The following CTNND2 variants were observed in gnomAD, a reference collection of about 807,000 sequenced individuals.
CTNND2 encodes catenin delta-2.
Under a neutral mutation model 144.4 loss-of-function variants are expected in CTNND2, and 22 were observed. The ratio of observed to expected loss-of-function variants is 0.15; its 90% confidence interval spans 0.11 to 0.22. CTNND2 has a LOEUF of 0.22. CTNND2 is among the 10% of genes least tolerant of loss of function. CTNND2 has a pLI of 1.00. For missense variants in CTNND2, 1,353 were observed against 1,618.8 expected, an observed-to-expected ratio of 0.84 and a Z score of 2.82; for synonymous variants, 751 against 695.6, an observed-to-expected ratio of 1.08 and a Z score of -1.25.
intron 2 of CTNND2, among the ~76,000 whole-genome samples, chr5:11,678,802 G>A (rs796937640): frequency 4.0e-4 from 61 of 152,040 alleles, no homozygotes; most frequent in Admixed American, 2.8e-3. Flanking sequence ...AAAATGTTCC[G>A]GCCTATATAC....
At chr5:11,748,327 G>T (rs1373152937) in intron 1 of CTNND2, among the ~76,000 whole-genome samples, 1 of 152,008 alleles carries the variant, frequency 6.6e-6, no homozygotes, top group African/African-American at 2.4e-5. Context: ...AGTAAGCTGT[G>T]CTTAGGAGTT....
chr5:11,203,638 T>C (rs185525336), intron 10 of CTNND2, among the ~76,000 whole-genome samples: 3 of 152,086 alleles, frequency 2.0e-5, no homozygotes, highest in African/African-American at 2.4e-5. Context: ...GTCTCCCAAA[T>C]TGCTGGGATT....
chr5:11,622,841 C>A (rs977845407), intron 2 of CTNND2, among the ~76,000 whole-genome samples: 7 of 152,152 alleles, frequency 4.6e-5, no homozygotes, highest in Non-Finnish European at 1.0e-4. Context: ...AAACTAATAT[C>A]ATTCACATTA....
At chr5:11,247,381 C>T (rs544444467) in intron 9 of CTNND2, among the ~76,000 whole-genome samples, 14 of 152,298 alleles carry the variant, frequency 9.2e-5, no homozygotes, top group East Asian at 1.9e-4. Flanking sequence ...GCCTACTCCA[C>T]GCCTCCCACC....
At chr5:11,752,497 T>A (rs891446326) in intron 1 of CTNND2, among the ~76,000 whole-genome samples, 3 of 151,858 alleles carry the variant, frequency 2.0e-5, no homozygotes, top group African/African-American at 7.2e-5. Flanking sequence ...TATCTGGCTT[T>A]ATTTCTGGGC....
intron 9 of CTNND2, among the ~76,000 whole-genome samples, chr5:11,244,228 A>T (rs1742744988): frequency 1.3e-5 from 2 of 151,996 alleles, no homozygotes; most frequent in Non-Finnish European, 2.9e-5. Context: ...TTAATATCTT[A>T]ATCCTCATTC....
rs754249228 is a variant in CTNND2, at chr5:11,110,936, A to G, written c.2385T>C (p.Cys795=). ...MGTDELDGLL[C]GEANGKDAES... Reference sequence around the variant, plus strand: ...CAGCATCCTTGCCATTGGCCTCGCCACAGAGTAGCCCGTCCAGCTCGTCCG... The same window carrying G: ...CAGCATCCTTGCCATTGGCCTCGCCGCAGAGTAGCCCGTCCAGCTCGTCCG... Residue 795 remains cysteine (C), a synonymous_variant, in exon 14 of 22, where the codon TGT becomes TGC. Coordinates refer to ENST00000304623, the MANE Select transcript of CTNND2 (RefSeq NM_001332.4). The G allele has an allele frequency of 6.2e-7, 1 of 1,614,152 alleles. No homozygotes were observed. Among genetic ancestry groups the G allele is most frequent in the Non-Finnish European group, 8.5e-7 (1 of 1,180,014 alleles).
At chr5:11,685,960 T>G (rs1784628882) in intron 2 of CTNND2, among the ~76,000 whole-genome samples, 1 of 152,174 alleles carries the variant, frequency 6.6e-6, no homozygotes, top group South Asian at 2.1e-4. Context: ...ATCCCAGCAC[T>G]TTGGGAGGCC....
At chr5:11,170,433 T>C (rs1373482100) in intron 11 of CTNND2, among the ~76,000 whole-genome samples, 1 of 152,224 alleles carries the variant, frequency 6.6e-6, no homozygotes, top group Non-Finnish European at 1.5e-5. Context: ...TCATACAACA[T>C]GATATTTTGA....
At chr5:11,533,045 C>T (rs999042610) in intron 3 of CTNND2, among the ~76,000 whole-genome samples, 8 of 152,084 alleles carry the variant, frequency 5.3e-5, no homozygotes, top group African/African-American at 1.9e-4. Flanking sequence ...ACTAGTGTTC[C>T]CATGAAGTGG....
chr5:11,064,268 T>C (rs1747309272), intron 16 of CTNND2, among the ~76,000 whole-genome samples: 1 of 152,186 alleles, frequency 6.6e-6, no homozygotes, highest in South Asian at 2.1e-4. Context: ...TTGAGCTCCC[T>C]CTTTTCTGTG....
At chr5:11,082,545 A>T in intron 16 of CTNND2, 151 bp downstream of exon 16, 2 of 832,500 alleles carry the variant, frequency 2.4e-6, no homozygotes, top group Non-Finnish European at 1.8e-6. Flanking sequence ...CAGTGGATTT[A>T]AATCAGAAGG....
At position 11,802,109 on chromosome 5, in the gene CTNND2, C is replaced by G. The variant is rs947610772; in HGVS notation, c.38-69837G>C. On this transcript the variant is annotated intron_variant, in intron 1 of 21. Coordinates refer to ENST00000304623, the MANE Select transcript of CTNND2 (RefSeq NM_001332.4). ...CCAAAATGGTGAAACCCCATCTCTACTAAAAACACAAAAATTAGCCATGTG... is the reference window on the plus strand; with the variant it reads ...CCAAAATGGTGAAACCCCATCTCTAGTAAAAACACAAAAATTAGCCATGTG... 2.0e-5 allele frequency among the ~76,000 whole-genome samples: 3 copies of G among 151,956 alleles called. No individual in the cohort carries two copies. The South Asian group carries it at 6.2e-4, about 32-fold the overall frequency.
chr5:11,740,980 C>A (rs911993714), intron 1 of CTNND2, among the ~76,000 whole-genome samples: 2 of 152,184 alleles, frequency 1.3e-5, no homozygotes, highest in African/African-American at 4.8e-5. Flanking sequence ...CTCATCGTCA[C>A]TGGTCATCAG....
At chr5:11,774,122 T>C (rs1464780403) in intron 1 of CTNND2, among the ~76,000 whole-genome samples, 1 of 152,006 alleles carries the variant, frequency 6.6e-6, no homozygotes, top group Non-Finnish European at 1.5e-5. Flanking sequence ...ACTTTGACAG[T>C]TTGCCACATT....
chr5:11,592,631 T>C (rs982421472), intron 2 of CTNND2, among the ~76,000 whole-genome samples: 23 of 151,992 alleles, frequency 1.5e-4, no homozygotes, highest in Admixed American at 7.9e-4. Context: ...AAAAAAATCT[T>C]TGCAGACCAG....
At chr5:11,685,143 A>C (rs1784588449) in intron 2 of CTNND2, among the ~76,000 whole-genome samples, 1 of 152,214 alleles carries the variant, frequency 6.6e-6, no homozygotes, top group Non-Finnish European at 1.5e-5. Flanking sequence ...CCACAAAAAG[A>C]AAAACAGTAC....
chr5:11,250,489 C>CTATATATATATATATATATA (rs1161027337), intron 9 of CTNND2, among the ~76,000 whole-genome samples: 1 of 68,054 alleles, frequency 1.5e-5, no homozygotes, highest in Non-Finnish European at 2.5e-5. Flanking sequence ...CTCTCTCTCT[C>CTATATATATATATATATATA]TCTATATATA....
chr5:11,584,024 G>A (rs1778638112), intron 2 of CTNND2, among the ~76,000 whole-genome samples: 1 of 152,110 alleles, frequency 6.6e-6, no homozygotes, highest in Non-Finnish European at 1.5e-5. Flanking sequence ...GATAATGTGG[G>A]TGCAGTTAAT....
Sources: gnomAD v4.1 joint callset for allele counts (sites outside exome capture counted in the v4.1 genomes callset) on GRCh38, gnomAD v4.1.1 for gene constraint, MANE v1.5 for transcripts, NCBI Gene and HGNC (gene_info 2026-07-23, HGNC 2026-07-21) for gene names.